Variants in SYNE2 observed in about 807,000 individuals in gnomAD.
The protein encoded by SYNE2 is nesprin-2.
Under a neutral mutation model 856.3 loss-of-function variants are expected in SYNE2, and 431 were observed. The ratio of observed to expected loss-of-function variants is 0.50; its 90% CI spans 0.47 to 0.55. The LOEUF (loss-of-function observed/expected upper bound fraction) is 0.55, where lower values mean the gene tolerates loss of function less well. Ranked by LOEUF, SYNE2 falls within the 20% of genes least tolerant of loss-of-function variation. The pLI is 0.00. For synonymous variants in SYNE2, 2,923 were observed against 2,872.3 expected (o/e 1.02, Z -0.56); for missense variants, 8,129 against 8,023.2 (o/e 1.01, Z -0.50).
rs1328178476 is a variant in SYNE2 at position 63,929,665 on chromosome 14, G to A, written c.80-10949G>A. 2.0e-5 allele frequency among the ~76,000 whole-genome samples: 3 copies of A among 151,980 alleles called. 1 individual carries two copies. Among genetic ancestry groups the A allele is most frequent in the Non-Finnish European group, 4.4e-5 (3 of 68,016 alleles). On this transcript the variant is annotated intron_variant, in intron 2 of 115. Coordinates refer to ENST00000555002, the MANE Select transcript of SYNE2 (RefSeq NM_182914.3). ...GGGCGCCTGTAATCCCAGCTACTCGGGAGGCTGAAGCAGGAGAATTGCATG... is the reference window on the plus strand; with the variant it reads ...GGGCGCCTGTAATCCCAGCTACTCGAGAGGCTGAAGCAGGAGAATTGCATG...
chr14:63,909,765 C>T (rs1345269865), intron 2 of SYNE2, among the ~76,000 whole-genome samples: 3 of 152,128 alleles, frequency 2.0e-5, no homozygotes, highest in Admixed American at 6.5e-5. Context: ...TGTTTGAACC[C>T]GGGAGGCGGA....
At chr14:64,214,656 G>C in intron 106 of SYNE2, 186 bp downstream of exon 106, 1 of 627,906 alleles carries the variant, frequency 1.6e-6, no homozygotes, top group Non-Finnish European at 2.8e-6. Context: ...TCTCATCACA[G>C]GTGGAATGAA....
intron 106 of SYNE2, among the ~76,000 whole-genome samples, chr14:64,214,980 T>C (rs1596277531): frequency 6.6e-6 from 1 of 152,118 alleles, no homozygotes. Flanking sequence ...GCTCAAGAAG[T>C]CCTCCCGCCT....
intron 1 of SYNE2, among the ~76,000 whole-genome samples, chr14:63,777,699 C>T (rs372200320): frequency 2.0e-4 from 31 of 152,232 alleles, no homozygotes; most frequent in South Asian, 1.9e-3. Context: ...GACAGGGTCT[C>T]GCTCTGTCAC....
intron 108 of SYNE2, among the ~76,000 whole-genome samples, chr14:64,217,751 T>A (rs775494077): frequency 6.6e-6 from 1 of 152,088 alleles, no homozygotes. Context: ...GTTTTTTTTT[T>A]ATTATTTTCA....
At position 64,016,541 on chromosome 14, in the gene SYNE2, A is replaced by G. The variant is rs765143344; in HGVS notation, c.4797A>G (p.Lys1599=). The G allele has an allele frequency of 6.2e-7, 1 of 1,604,934 alleles. No homozygotes were observed. Among genetic ancestry groups the G allele is most frequent in the Non-Finnish European group, 8.5e-7 (1 of 1,174,814 alleles). The change falls in exon 33 of 116, where the codon AAA becomes AAG. Residue 1599 remains lysine, a synonymous_variant. Transcript: ENST00000555002. ...EVVDKINQVC[K]NLQFYLNKMK... ...TAGACAAGATAAACCAGGTCTGCAAAAATCTACAATTTTATCTAAATAAAA... is the reference window on the plus strand; with the variant it reads ...TAGACAAGATAAACCAGGTCTGCAAGAATCTACAATTTTATCTAAATAAAA...
chr14:64,104,150 C>G (rs1474666025), intron 64 of SYNE2, among the ~76,000 whole-genome samples: 1 of 152,144 alleles, frequency 6.6e-6, no homozygotes, highest in Non-Finnish European at 1.5e-5. Context: ...GTGTTCTACT[C>G]CCTCGGCCCC....
chr14:63,778,538 C>T (rs561577599), intron 1 of SYNE2, among the ~76,000 whole-genome samples: 17 of 151,772 alleles, frequency 1.1e-4, no homozygotes, highest in African/African-American at 4.1e-4. Flanking sequence ...TTCCTGAGAC[C>T]GGGTCTTACT....
rs35015201 is a variant in SYNE2 at position 63,779,439 on chromosome 14, CA to C, written c.-305+17470del. 9.0e-3 allele frequency among the ~76,000 whole-genome samples: 1,070 copies of C among 118,264 alleles called. 17 individuals are homozygous for C. The highest frequency in any genetic ancestry group is 0.03 in the African/African-American group (866 of 28,512). The allele number at this position is 118,264 out of a possible 152,430, so 77.6% of individuals were successfully genotyped here. On this transcript the variant is annotated intron_variant, in intron 1 of 23. Coordinates refer to the SYNE2 transcript ENST00000674003. ...TCTCACTACTGCGCTTGACTGGTCTCAAAAAAAAAAAAAAAAAGCTAGAAAA... is the reference window on the plus strand; with the variant it reads ...TCTCACTACTGCGCTTGACTGGTCTCAAAAAAAAAAAAAAAAGCTAGAAAA...
At chr14:64,017,026 G>C (rs2096896928) in intron 33 of SYNE2, among the ~76,000 whole-genome samples, 1 of 151,932 alleles carries the variant, frequency 6.6e-6, no homozygotes, top group African/African-American at 2.4e-5. Flanking sequence ...AAAAAAATGT[G>C]GTTTAGAAAT....
chr14:63,981,421 T>G (rs1245224410), intron 16 of SYNE2, among the ~76,000 whole-genome samples: 1 of 152,204 alleles, frequency 6.6e-6, no homozygotes, highest in Non-Finnish European at 1.5e-5. Flanking sequence ...CATAGAGCTT[T>G]CTTAAGGTAT....
intron 85 of SYNE2, among the ~76,000 whole-genome samples, chr14:64,156,683 T>TTAGGTGA: frequency 6.6e-6 from 1 of 152,290 alleles, no homozygotes; most frequent in South Asian, 2.1e-4. Flanking sequence ...GGTCTTGAAC[T>TTAGGTGA]CCTGACCTTA....
intron 7 of SYNE2, among the ~76,000 whole-genome samples, chr14:63,950,472 T>C (rs1182742096): frequency 6.6e-6 from 1 of 152,124 alleles, no homozygotes; most frequent in Non-Finnish European, 1.5e-5. Context: ...GGAGAATCGC[T>C]TGAACCTGGG....
chr14:64,215,529 C>A, intron 107 of SYNE2, 175 bp downstream of exon 107: 2 of 726,352 alleles, frequency 2.8e-6, no homozygotes, highest in Non-Finnish European at 4.9e-6. Context: ...GTGCTCCTTA[C>A]AAAACCCCAT....
At chr14:63,973,415 T>G (rs2096495793) in intron 11 of SYNE2, among the ~76,000 whole-genome samples, 1 of 152,012 alleles carries the variant, frequency 6.6e-6, no homozygotes, top group South Asian at 2.1e-4. Flanking sequence ...GCGGATCACC[T>G]GAGGTCAGGA....
At chr14:63,819,179 A>C (rs774848345) in intron 1 of SYNE2, among the ~76,000 whole-genome samples, 2 of 152,104 alleles carry the variant, frequency 1.3e-5, no homozygotes, top group Non-Finnish European at 2.9e-5. Context: ...ATAAATTTGG[A>C]AAGTCACCAG....
rs191117333 is a variant in SYNE2, at chr14:63,936,387, T to A, written c.80-4227T>A. ...AGATAAGTACCCTAGGGAAAGAGAA[T>A]AGAGCAGGACAAGAGGGATCGGGAG... On this transcript the variant is annotated intron_variant, in intron 2 of 115. Coordinates refer to ENST00000555002, the MANE Select transcript of SYNE2 (RefSeq NM_182914.3). Among the ~76,000 whole-genome samples the A allele has an allele frequency of 1.3e-3, 204 of 152,238 alleles. 1 individual carries two copies. Among genetic ancestry groups the A allele is most frequent in the South Asian group, 6.2e-3 (30 of 4,818 alleles).
chr14:63,842,904 C>T (rs1380178998), intron 1 of SYNE2, among the ~76,000 whole-genome samples: 1 of 152,160 alleles, frequency 6.6e-6, no homozygotes, highest in Non-Finnish European at 1.5e-5. Context: ...AGTCTGCATA[C>T]TTTCTGTTAC....
At chr14:64,043,743 G>A (rs2097166090) in intron 45 of SYNE2, among the ~76,000 whole-genome samples, 1 of 152,236 alleles carries the variant, frequency 6.6e-6, no homozygotes, top group African/African-American at 2.4e-5. Flanking sequence ...CTGAATATGT[G>A]TGGAAACACC....
Sources: allele counts gnomAD v4.1 joint callset (sites outside exome capture counted in the v4.1 genomes callset), GRCh38; gene constraint gnomAD v4.1.1; transcripts MANE v1.5; gene names NCBI Gene and HGNC (gene_info 2026-07-23, HGNC 2026-07-21).